The following BLOC1S3 variants were observed in gnomAD, a reference collection of about 807,000 sequenced individuals.
The protein encoded by BLOC1S3 is biogenesis of lysosomal organelles complex 1 subunit 3.
BLOC1S3 carries 7 observed loss-of-function variants against 9.1 expected under a neutral mutation model. The observed-to-expected ratio is 0.77, with a 90% CI of 0.44 to 1.45. BLOC1S3 has a LOEUF of 1.45. BLOC1S3 is among the 40% of genes most tolerant of loss of function. The pLI, the probability that BLOC1S3 is intolerant of heterozygous loss-of-function variation, is 0.01. For missense variants in BLOC1S3, 307 were observed against 315.2 expected, an observed-to-expected ratio of 0.97 and a Z score of 0.20; for synonymous variants, 145 against 158.4, an observed-to-expected ratio of 0.92 and a Z score of 0.64.
In BLOC1S3 at chr19:45,181,030, G is replaced by T; in HGVS notation, c.*1125G>T. On this transcript the variant is annotated 3_prime_UTR_variant, in exon 2 of 2. Coordinates refer to ENST00000433642, the MANE Select transcript of BLOC1S3 (RefSeq NM_212550.5). ...CGTGGGCCACTGCGCCTAGCCAGCTGGGTCCTTGTTCTGCTGCCCAAGCTT... is the reference window on the plus strand; with the variant it reads ...CGTGGGCCACTGCGCCTAGCCAGCTTGGTCCTTGTTCTGCTGCCCAAGCTT... 6.0e-6 allele frequency: 1 copy of T among 167,354 alleles called. No homozygotes were observed. The allele number at this position is 167,354 out of a possible 1,614,324, so 10.4% of individuals were successfully genotyped here. A position where few individuals can be genotyped will look rare whatever the true frequency, so the allele number is the denominator to read the frequency against.
chr19:45,207,763 G>A (rs62118500), intron 3 of BLOC1S3, among the ~76,000 whole-genome samples: 355 of 152,006 alleles, frequency 2.3e-3, no homozygotes, highest in Non-Finnish European at 3.5e-3. Context: ...TTTTTGCCTA[G>A]TGCTACACAT....
intron 3 of BLOC1S3, among the ~76,000 whole-genome samples, chr19:45,205,612 C>T (rs1449930079): frequency 6.6e-6 from 1 of 152,128 alleles, no homozygotes; most frequent in Non-Finnish European, 1.5e-5. Context: ...TATGTACAAG[C>T]ATGATCATAA....
chr19:45,194,302 G>A (rs1969631488), intron 2 of BLOC1S3, among the ~76,000 whole-genome samples: 1 of 150,228 alleles, frequency 6.7e-6, no homozygotes, highest in Non-Finnish European at 1.5e-5. Context: ...TAGTAGAGAT[G>A]GGGTTTCACC....
intron 3 of BLOC1S3, among the ~76,000 whole-genome samples, chr19:45,214,460 T>G (rs910118040): frequency 4.0e-5 from 6 of 150,348 alleles, no homozygotes; most frequent in South Asian, 2.1e-4. Context: ...TTTTGTGTGT[T>G]TGTTTGTTTG....
Position 45,179,953 on chromosome 19 carries a change from C to A in BLOC1S3, c.*48C>A. ...GACTGCAATTTGGGGGTAGGCCTTGCTGCCTCTGGGACCTGACTCTGTCTC... is the reference window on the plus strand; with the variant it reads ...GACTGCAATTTGGGGGTAGGCCTTGATGCCTCTGGGACCTGACTCTGTCTC... On this transcript the variant is annotated 3_prime_UTR_variant, in exon 2 of 2. Coordinates refer to ENST00000433642, the MANE Select transcript of BLOC1S3 (RefSeq NM_212550.5). The surrounding 1 kb of genome is among the most constrained non-coding windows in gnomAD (Gnocchi z 4.6). 1 of 1,585,000 alleles carries A rather than the reference C, an allele frequency of 6.3e-7. No individual in the cohort carries two copies. The highest frequency in any genetic ancestry group is 8.6e-7 in the Non-Finnish European group (1 of 1,165,856).
At chr19:45,215,983 CAGG>C in intron 3 of BLOC1S3, 2 of 1,552,156 alleles carry the variant, frequency 1.3e-6, no homozygotes, top group Non-Finnish European at 1.7e-6. Context: ...CTCCCTCCCT[CAGG>C]AGGCAGGAAG....
In BLOC1S3 at chr19:45,204,045, C is replaced by T. The variant is rs113143304; in HGVS notation, n.282+1538C>T. Among the ~76,000 whole-genome samples the T allele has an allele frequency of 8.3e-3, 1,261 of 151,612 alleles. 16 individuals carry two copies. The highest frequency in any genetic ancestry group is 0.029 in the African/African-American group (1,195 of 41,410). On this transcript the variant is annotated intron_variant and non_coding_transcript_variant, in intron 3 of 3. Transcript: ENST00000591569. The stretch of plus-strand genomic sequence containing the variant: ...TTTTTGAGATGGAGTCTCACTATGT[C>T]GCCCAGGTTGGAGTGCAGTGGCGCA...
intron 2 of BLOC1S3, among the ~76,000 whole-genome samples, chr19:45,199,309 C>CTTTTTTTTTT (rs34967306): frequency 1.4e-5 from 1 of 72,500 alleles, no homozygotes; most frequent in Non-Finnish European, 2.5e-5. Flanking sequence ...GTGCCTTATT[C>CTTTTTTTTTT]TTTTTTTTTT....
At chr19:45,183,774 G>C (rs569750852), downstream of BLOC1S3, among the ~76,000 whole-genome samples, 220 of 151,584 alleles carry the variant, frequency 1.5e-3, 1 homozygote, top group African/African-American at 5.1e-3. Context: ...TTATAGGCAC[G>C]TGCCACCATG....
intron 2 of BLOC1S3, among the ~76,000 whole-genome samples, chr19:45,192,757 GC>G (rs1969615681): frequency 6.6e-6 from 1 of 152,026 alleles, no homozygotes; most frequent in African/African-American, 2.4e-5. Context: ...TGCTTGGTGC[GC>G]TATCCTACGG....
At chr19:45,205,015 T>G (rs951321467) in intron 3 of BLOC1S3, among the ~76,000 whole-genome samples, 1 of 152,136 alleles carries the variant, frequency 6.6e-6, no homozygotes, top group Admixed American at 6.6e-5. Context: ...ATTACATGTG[T>G]GAGCTGCCAT....
downstream of BLOC1S3, among the ~76,000 whole-genome samples, chr19:45,186,364 C>T (rs1016288820): frequency 1.1e-4 from 17 of 152,226 alleles, no homozygotes; most frequent in African/African-American, 4.1e-4. Context: ...GATCTCACTA[C>T]GTTGCTCAGG....
chr19:45,192,556 G>C (rs1190319344), intron 2 of BLOC1S3, among the ~76,000 whole-genome samples: 5 of 152,186 alleles, frequency 3.3e-5, no homozygotes, highest in African/African-American at 9.6e-5. Flanking sequence ...GTGTGTCTCT[G>C]AGTCTCACTC....
chr19:45,209,261 C>G (rs372452658), intron 3 of BLOC1S3, among the ~76,000 whole-genome samples: 46 of 151,916 alleles, frequency 3.0e-4, no homozygotes, highest in African/African-American at 1.1e-3. Context: ...GTTGGCCAGG[C>G]TGGTCTTAAA....
intron 3 of BLOC1S3, among the ~76,000 whole-genome samples, chr19:45,206,729 A>G (rs7248787): frequency 0.27 from 40,079 of 150,830 alleles, 6,356 homozygotes; most frequent in African/African-American, 0.42. Context: ...CCAAAGGGCT[A>G]GGATTATAGG....
At chr19:45,191,976 G>T (rs562035877) in intron 2 of BLOC1S3, among the ~76,000 whole-genome samples, 1 of 152,196 alleles carries the variant, frequency 6.6e-6, no homozygotes, top group Non-Finnish European at 1.5e-5. Context: ...AGGAGCAGAC[G>T]GCAAATCCAG....
chr19:45,207,555 CAA>C (rs58164218), intron 3 of BLOC1S3, among the ~76,000 whole-genome samples: 672 of 64,426 alleles, frequency 0.01, 1 homozygote, highest in African/African-American at 0.028. Flanking sequence ...GACTCTGTCT[CAA>C]AAAAAAAAAA....
intron 3 of BLOC1S3, among the ~76,000 whole-genome samples, chr19:45,203,320 C>T (rs1324278294): frequency 2.0e-5 from 3 of 152,114 alleles, no homozygotes; most frequent in Non-Finnish European, 4.4e-5. Flanking sequence ...GTTGTCCGGG[C>T]TGGAGTGCAA....
chr19:45,211,479 C>A (rs1969770046), intron 3 of BLOC1S3, among the ~76,000 whole-genome samples: 1 of 148,934 alleles, frequency 6.7e-6, no homozygotes, highest in South Asian at 2.1e-4. Flanking sequence ...CCATTGCACT[C>A]TAGCCTGGGC....
Sources: gnomAD v4.1 joint callset for allele counts (sites outside exome capture counted in the v4.1 genomes callset) on GRCh38, gnomAD v4.1.1 for gene constraint, Gnocchi (gnomAD v3.1) non-coding constraint, MANE v1.5 for transcripts, NCBI Gene and HGNC (gene_info 2026-07-23, HGNC 2026-07-21) for gene names.